The following CALY variants were observed in gnomAD, a reference collection of about 807,000 sequenced individuals.
The protein encoded by CALY is calcyon neuron specific vesicular protein, also known as neuron-specific vesicular protein calcyon.
Under a neutral mutation model 20.2 loss-of-function variants are expected in CALY, and 15 were observed. The ratio of observed to expected loss-of-function variants is 0.74; its 90% CI spans 0.50 to 1.14. The LOEUF (loss-of-function observed/expected upper bound fraction) is 1.14, where lower values mean the gene tolerates loss of function less well. Ranked by LOEUF, CALY falls within the 50% of genes most tolerant of loss-of-function variation. The pLI, the probability that CALY is intolerant of heterozygous loss-of-function variation, is 0.00. For synonymous variants in CALY, 129 were observed against 131.8 expected, an observed-to-expected ratio of 0.98 and a Z score of 0.15; for missense variants, 270 against 304.4, an observed-to-expected ratio of 0.89 and a Z score of 0.84.
chr10:133,324,352 C>G lies in CALY; in HGVS notation c.*1243G>C, dbSNP rs542638522. The G allele has an allele frequency of 2.4e-5, 11 of 455,866 alleles. No homozygotes were observed. Among genetic ancestry groups the G allele is most frequent in the Non-Finnish European group, 4.8e-5 (11 of 226,860 alleles). 28.2% of individuals were successfully genotyped at this position (455,866 alleles called of 1,614,324 possible). A position where few individuals can be genotyped will look rare whatever the true frequency, so the allele number is the denominator to read the frequency against. ...AGTTCACAGGCTTCCTGGGCACTGC[C>G]GCTGTTCCAAAGCAGGCCAGTCCCA... On this transcript the variant is annotated 3_prime_UTR_variant, in exon 6 of 6. Transcript: ENST00000252939.
intron 1 of CALY, among the ~76,000 whole-genome samples, chr10:133,332,416 CAGA>C (rs1358761201): frequency 2.6e-5 from 4 of 152,162 alleles, no homozygotes; most frequent in Admixed American, 6.5e-5. Flanking sequence ...AAAGATAATA[CAGA>C]AGAAGATTTT....
chr10:133,336,231 A>T (rs1430684117), intron 1 of CALY, among the ~76,000 whole-genome samples: 1 of 152,026 alleles, frequency 6.6e-6, no homozygotes, highest in Non-Finnish European at 1.5e-5. Context: ...GTGGGCGCGC[A>T]GCTGCTCCCG....
Position 133,324,703 on chromosome 10 carries a change from C to T in CALY, c.*892G>A. ...TGGTGGGTGAGATCTGCCGGAAGTC[C>T]ATTCCCTGTAGTGTTCAGTGCCGGG... On this transcript the variant is annotated 3_prime_UTR_variant, in exon 6 of 6. Transcript: ENST00000252939. 2.9e-6 allele frequency: 1 copy of T among 340,950 alleles called. No individual in the cohort carries two copies. The highest frequency in any genetic ancestry group is 5.6e-6 in the Non-Finnish European group (1 of 178,150). The allele number at this position is 340,950 out of a possible 1,614,324, so 21.1% of individuals were successfully genotyped here.
In CALY at chr10:133,324,147, C is replaced by T. The variant is rs1848165413; in HGVS notation, c.*1448G>A. The T allele has an allele frequency of 3.1e-6, 1 of 324,760 alleles. No homozygotes were observed. The highest frequency in any genetic ancestry group is 2.3e-5 in the South Asian group (1 of 43,350). The allele number at this position is 324,760 out of a possible 1,614,324, so 20.1% of individuals were successfully genotyped here. A position where few individuals can be genotyped will look rare whatever the true frequency, so the allele number is the denominator to read the frequency against. On this transcript the variant is annotated 3_prime_UTR_variant, in exon 6 of 6. Transcript: ENST00000252939. ...CTGCCCCCATATATCCCAGCTGACG[C>T]CCCAGGCCCCGGGCCCCCCTCCCTT... is the stretch of plus-strand genomic sequence containing the variant.
intron 1 of CALY, among the ~76,000 whole-genome samples, chr10:133,330,492 C>A (rs1440285703): frequency 6.8e-6 from 1 of 147,550 alleles, no homozygotes; most frequent in Non-Finnish European, 1.5e-5. Flanking sequence ...CCCGTCTCTA[C>A]TAAAAAATAC....
At chr10:133,333,440 C>G (rs1157699022) in intron 1 of CALY, among the ~76,000 whole-genome samples, 3 of 70,188 alleles carry the variant, frequency 4.3e-5, no homozygotes, top group Non-Finnish European at 8.1e-5. Context: ...GGGACCCCAA[C>G]GGGGTGCGGG....
In CALY at chr10:133,327,970, G is replaced by C. The variant is rs1435561012; in HGVS notation, c.181C>G (p.Gln61Glu). 5.6e-6 allele frequency: 9 copies of C among 1,612,950 alleles called. No homozygotes were observed. The East Asian group carries it at 2.0e-4, about 36-fold the overall frequency. Residue 61 changes from glutamine to glutamate, a missense_variant, in exon 3 of 6, where the codon CAG becomes GAG. Gln to Glu is a conservative substitution (Grantham distance 29, BLOSUM62 2). Transcript: ENST00000252939. ...CCCTCCAGGTCAGGGAAATTCTGCT[G>C]GTCTGGGGAGGACAGCTGGTATTCT... ...QTEYQLSSPD[Q>E]QNFPDLEGQR...
rs1848194450 is a variant in CALY at position 133,325,839 on chromosome 10, C to G, written c.642G>C (p.Pro214=). The change falls in exon 5 of 6, where the codon CCG becomes CCC. Residue 214 remains proline (P), a synonymous_variant. Transcript: ENST00000252939. ...GGGGCTGGAGACGTCACTGCGCGGG[C>G]GGGGGCGCCGCGCTCCCGGCCGCCT... The part of the protein sequence containing the change: ...ARKAAGSAAP[P]PAQ The G allele has an allele frequency of 1.6e-6, 2 of 1,226,142 alleles. No homozygotes were observed. The highest frequency in any genetic ancestry group is 6.7e-5 in the East Asian group (2 of 29,978). 76.0% of individuals were successfully genotyped at this position (1,226,142 alleles called of 1,614,324 possible). A position where few individuals can be genotyped will look rare whatever the true frequency, so the allele number is the denominator to read the frequency against.
At chr10:133,328,745 G>C in intron 2 of CALY, 110 bp downstream of exon 2, 2 of 1,229,534 alleles carry the variant, frequency 1.6e-6, no homozygotes, top group Non-Finnish European at 2.2e-6. Context: ...CCCTTCATCT[G>C]TTTGCTCTAC....
rs766151738 is a variant in CALY at position 133,324,271 on chromosome 10, C to T, written c.*1324G>A. ...AAGGGTGTGGTGTGCATGGCCCTGCCTTCCCTGACCCCACCTGGCTGGCTT... is the reference window on the plus strand; with the variant it reads ...AAGGGTGTGGTGTGCATGGCCCTGCTTTCCCTGACCCCACCTGGCTGGCTT... On this transcript the variant is annotated 3_prime_UTR_variant, in exon 6 of 6. Transcript: ENST00000252939. 9.6e-5 allele frequency: 43 copies of T among 449,818 alleles called. No individual in the cohort carries two copies. Among genetic ancestry groups the T allele is most frequent in the African/African-American group, 2.0e-5 (1 of 49,944 alleles). 27.9% of individuals were successfully genotyped at this position (449,818 alleles called of 1,614,324 possible).
chr10:133,332,423 A>T (rs939040379), intron 1 of CALY, among the ~76,000 whole-genome samples: 14 of 152,234 alleles, frequency 9.2e-5, no homozygotes, highest in African/African-American at 3.4e-4. Flanking sequence ...ATACAGAAGA[A>T]GATTTTTCTG....
At chr10:133,329,525 C>T (rs768300000) in intron 1 of CALY, among the ~76,000 whole-genome samples, 4 of 151,982 alleles carry the variant, frequency 2.6e-5, no homozygotes, top group South Asian at 2.1e-4. Context: ...TACCTGGGAC[C>T]ACAGTGCGCC....
At chr10:133,325,774 C>G in intron 5 of CALY, 25 bp downstream of exon 5, 1 of 1,064,806 alleles carries the variant, frequency 9.4e-7, no homozygotes, top group Non-Finnish European at 1.2e-6. Context: ...GCAGAGCCGG[C>G]CGGAGCCCCG....
At position 133,326,018 on chromosome 10, in the gene CALY, G is replaced by T; in HGVS notation, c.463C>A (p.Arg155Ser). ...GCCGGCGTCTCCGTGCCGTGCTTGC[G>T]GCTCAGCGGGTAGGCCCCGATGGCC... ...LAAIGAYPLS[R>S]KHGTETPAAW... is the part of the protein sequence containing the mutation. Residue 155 changes from arginine (R) to serine (S), a missense_variant, in exon 5 of 6, where the codon CGC becomes AGC. Transcript: ENST00000252939. The T allele has an allele frequency of 6.3e-7, 1 of 1,584,246 alleles. No homozygotes were observed. The highest frequency in any genetic ancestry group is 1.1e-5 in the South Asian group (1 of 87,418).
At chr10:133,331,915 T>C (rs1229854224) in intron 1 of CALY, among the ~76,000 whole-genome samples, 2 of 152,050 alleles carry the variant, frequency 1.3e-5, no homozygotes, top group Non-Finnish European at 2.9e-5. Flanking sequence ...GATCACAAGA[T>C]CAGGAGTTTG....
intron 1 of CALY, among the ~76,000 whole-genome samples, chr10:133,333,728 G>A (rs1404812870): frequency 1.7e-4 from 1 of 5,860 alleles, no homozygotes; most frequent in Non-Finnish European, 4.4e-4. Context: ...GCTCTGAGGG[G>A]GAAAGATCTG....
At chr10:133,327,831 C>G (rs1848239381) in intron 3 of CALY, 74 bp downstream of exon 3, 1 of 999,958 alleles carries the variant, frequency 1.0e-6, no homozygotes, top group East Asian at 2.6e-5. Flanking sequence ...GGACGGAACC[C>G]AGGCACCCCC....
chr10:133,324,688 G>A lies in CALY; in HGVS notation c.*907C>T, dbSNP rs1227705345. ...CTGGGGTGGTGCAGGTGGTGGGTGA[G>A]ATCTGCCGGAAGTCCATTCCCTGTA... On this transcript the variant is annotated 3_prime_UTR_variant, in exon 6 of 6. Transcript: ENST00000252939. 2 of 356,160 alleles carry A rather than the reference G, an allele frequency of 5.6e-6. No individual in the cohort carries two copies. The highest frequency in any genetic ancestry group is 1.1e-5 in the Non-Finnish European group (2 of 182,282). The allele number at this position is 356,160 out of a possible 1,614,324, so 22.1% of individuals were successfully genotyped here. A position where few individuals can be genotyped will look rare whatever the true frequency, so the allele number is the denominator to read the frequency against.
chr10:133,334,979 C>G (rs1377501444), intron 1 of CALY, among the ~76,000 whole-genome samples: 2 of 152,174 alleles, frequency 1.3e-5, no homozygotes, highest in African/African-American at 4.8e-5. Context: ...GGGCAATGGG[C>G]ACTCGGCGGG....
Sources: gnomAD v4.1 joint callset for allele counts (sites outside exome capture counted in the v4.1 genomes callset) on GRCh38, gnomAD v4.1.1 for gene constraint, MANE v1.5 for transcripts, NCBI Gene and HGNC (gene_info 2026-07-23, HGNC 2026-07-21) for gene names.